The following NTRK2 variants were observed in gnomAD, a reference collection of about 807,000 sequenced individuals.
NTRK2 encodes the protein BDNF/NT-3 growth factors receptor.
A neutral mutation model predicts 94.5 loss-of-function variants in NTRK2; 13 were observed. The ratio of observed to expected loss-of-function variants is 0.14; its 90% confidence interval spans 0.09 to 0.22. The LOEUF is 0.22. Among genes scored for constraint, NTRK2 ranks in the 10% least tolerant of loss-of-function variants. The pLI is 1.00. For missense variants in NTRK2, 639 were observed against 1,071.2 expected (o/e 0.60, Z 5.63); for synonymous variants, 372 against 407.4 (o/e 0.91, Z 1.05).
chr9:85,009,267 T>C lies in NTRK2; in HGVS notation c.2173-10939T>C, dbSNP rs1831305389. On this transcript the variant is annotated intron_variant, in intron 17 of 18. Transcript: ENST00000277120. ...ATGTTAAAGATGAAATATAAGACTTTAAATAAATTCCAGACTTGCTATAAA... is the reference window on the plus strand; with the variant it reads ...ATGTTAAAGATGAAATATAAGACTTCAAATAAATTCCAGACTTGCTATAAA... Among the ~76,000 whole-genome samples the C allele has an allele frequency of 2.0e-5, 3 of 152,374 alleles. No homozygotes were observed. In the East Asian group the frequency reaches 5.8e-4, roughly 29 times the overall value.
At chr9:84,746,735 T>G (rs549876159) in intron 11 of NTRK2, among the ~76,000 whole-genome samples, 2 of 152,228 alleles carry the variant, frequency 1.3e-5, no homozygotes, top group East Asian at 3.9e-4. Flanking sequence ...TCTTTGTACT[T>G]GTGGCTCCCC....
At chr9:84,882,059 C>T (rs1382193776) in intron 14 of NTRK2, among the ~76,000 whole-genome samples, 1 of 152,168 alleles carries the variant, frequency 6.6e-6, no homozygotes, top group Non-Finnish European at 1.5e-5. Context: ...TGCCCAAGAA[C>T]ATACAACTAC....
chr9:84,801,336 A>G (rs2070423656), intron 12 of NTRK2, among the ~76,000 whole-genome samples: 1 of 152,222 alleles, frequency 6.6e-6, no homozygotes, highest in Non-Finnish European at 1.5e-5. Flanking sequence ...GTAGAAATGA[A>G]TCCTTTAGCA....
chr9:84,981,275 T>TA (rs1827574737), intron 17 of NTRK2, among the ~76,000 whole-genome samples: 1 of 149,710 alleles, frequency 6.7e-6, no homozygotes, highest in Non-Finnish European at 1.5e-5. Flanking sequence ...GTTTTTTTTT[T>TA]ATGTTTAGTA....
chr9:84,901,204 G>GTTTTGTTTTA lies in NTRK2; in HGVS notation c.1634-32954_1634-32953insGTTTTATTTT, dbSNP rs746060791. ...ATTTTGTTTTGTTTTGTTTTGTTTT[G>GTTTTGTTTTA]TTTTATTTTATTTTATTTTATTTTA... On this transcript the variant is annotated intron_variant, in intron 14 of 18. Transcript: ENST00000277120. Among the ~76,000 whole-genome samples, 10 of 138,354 alleles carry GTTTTGTTTTA rather than the reference G, an allele frequency of 7.2e-5. No homozygotes were observed. The South Asian group carries it at 7.2e-4, about 10-fold the overall frequency. 90.8% of individuals were successfully genotyped at this position (138,354 alleles called of 152,430 possible). A position where few individuals can be genotyped will look rare whatever the true frequency, so the allele number is the denominator to read the frequency against.
intron 16 of NTRK2, among the ~76,000 whole-genome samples, chr9:84,952,720 A>G (rs1823637329): frequency 6.6e-6 from 1 of 152,214 alleles, no homozygotes; most frequent in Non-Finnish European, 1.5e-5. Context: ...AACAGGGGAA[A>G]TTACTTTAAA....
chr9:84,822,494 T>G (rs1033244065), intron 12 of NTRK2, among the ~76,000 whole-genome samples: 4 of 152,088 alleles, frequency 2.6e-5, no homozygotes, highest in Non-Finnish European at 5.9e-5. Context: ...CAAGATGGAA[T>G]TAAAGCTGCA....
At position 84,745,940 on chromosome 9, in the gene NTRK2, C is replaced by T. The variant is rs75253632; in HGVS notation, c.1296+867C>T. Among the ~76,000 whole-genome samples, 24 of 152,194 alleles carry T rather than the reference C, an allele frequency of 1.6e-4. 1 individual carries two copies. The East Asian group carries it at 3.9e-3, about 25-fold the overall frequency. On this transcript the variant is annotated intron_variant, in intron 11 of 18. Coordinates refer to ENST00000277120, the MANE Select transcript of NTRK2 (RefSeq NM_006180.6). ...GGGTCTATGGTCAGTTGCTCTGGTC[C>T]GAACCCAACAACTTCCTCCAGTTGT...
chr9:84,755,584 A>T (rs2065019245), intron 12 of NTRK2, among the ~76,000 whole-genome samples: 1 of 137,444 alleles, frequency 7.3e-6, no homozygotes, highest in African/African-American at 2.7e-5. Flanking sequence ...GGCCATAGAT[A>T]AGAGATCAGT....
chr9:84,805,409 C>A (rs1386400169), intron 12 of NTRK2, among the ~76,000 whole-genome samples: 1 of 152,158 alleles, frequency 6.6e-6, no homozygotes, highest in East Asian at 1.9e-4. Context: ...AGTCTAGCAC[C>A]TTTTCCCCAG....
At chr9:84,946,673 A>G (rs75226924) in intron 15 of NTRK2, among the ~76,000 whole-genome samples, 7,853 of 152,312 alleles carry the variant, frequency 0.052, 277 homozygotes, top group Admixed American at 0.12. Flanking sequence ...GGTTTTCTAC[A>G]GCTGCTATAA....
chr9:84,762,802 T>A (rs2065701372), intron 12 of NTRK2, among the ~76,000 whole-genome samples: 2 of 152,194 alleles, frequency 1.3e-5, no homozygotes, highest in Admixed American at 1.3e-4. Flanking sequence ...TCACAAAAAA[T>A]TCCACACTTT....
chr9:84,968,258 C>G (rs943377918), intron 17 of NTRK2, among the ~76,000 whole-genome samples: 1 of 152,226 alleles, frequency 6.6e-6, no homozygotes, highest in African/African-American at 2.4e-5. Flanking sequence ...GAAAGCTTCT[C>G]TGTGCCCTCA....
intron 14 of NTRK2, chr9:84,872,311 A>G: frequency 9.0e-7 from 1 of 1,108,924 alleles, no homozygotes; most frequent in Non-Finnish European, 1.1e-6. Context: ...ACAAACAGAA[A>G]CAAAACATAC....
At position 84,716,200 on chromosome 9, in the gene NTRK2, C is replaced by G. The variant is rs190673168; in HGVS notation, c.583+5409C>G. ...GTCCCATGGATTGAAATCAGACTTG[C>G]CTTTGATTTCCTTCCTATTTATTAG... On this transcript the variant is annotated intron_variant, in intron 6 of 18. Transcript: ENST00000277120. Among the ~76,000 whole-genome samples the G allele has an allele frequency of 8.5e-5, 13 of 152,214 alleles. No individual in the cohort carries two copies. In the East Asian group the frequency reaches 2.5e-3, roughly 29 times the overall value.
intron 12 of NTRK2, among the ~76,000 whole-genome samples, chr9:84,834,677 A>G (rs2073767177): frequency 6.6e-6 from 1 of 152,008 alleles, no homozygotes; most frequent in African/African-American, 2.4e-5. Flanking sequence ...GCACATGTTG[A>G]GAGTTCTAGT....
intron 14 of NTRK2, among the ~76,000 whole-genome samples, chr9:84,903,997 T>C (rs2077005460): frequency 6.6e-6 from 1 of 152,224 alleles, no homozygotes; most frequent in African/African-American, 2.4e-5. Flanking sequence ...ACAGCTTCAA[T>C]ATGGAAATGT....
chr9:84,938,857 C>G (rs1048229235), intron 15 of NTRK2, among the ~76,000 whole-genome samples: 2 of 151,846 alleles, frequency 1.3e-5, no homozygotes, highest in Non-Finnish European at 2.9e-5. Flanking sequence ...TCAAGACCAG[C>G]CTGGGCAACA....
At chr9:84,969,414 A>G (rs1401779679) in intron 17 of NTRK2, among the ~76,000 whole-genome samples, 1 of 152,282 alleles carries the variant, frequency 6.6e-6, no homozygotes, top group Admixed American at 6.5e-5. Flanking sequence ...AGCTCAGGAT[A>G]GGGCTCTGAC....
Sources: gnomAD v4.1 joint callset for allele counts (sites outside exome capture counted in the v4.1 genomes callset) on GRCh38, gnomAD v4.1.1 for gene constraint, MANE v1.5 for transcripts, NCBI Gene and HGNC (gene_info 2026-07-23, HGNC 2026-07-21) for gene names.